The following PHC2 variants were observed in gnomAD, a reference collection of about 807,000 sequenced individuals.
PHC2 encodes the protein polyhomeotic homolog 2, also known as polyhomeotic-like protein 2.
PHC2 carries 29 observed loss-of-function variants against 87.4 expected under a neutral mutation model. The ratio of observed to expected loss-of-function variants is 0.33; its 90% confidence interval spans 0.25 to 0.45. The LOEUF (loss-of-function observed/expected upper bound fraction) is 0.45, where lower values mean the gene tolerates loss of function less well. Among genes scored for constraint, PHC2 ranks in the 20% least tolerant of loss-of-function variants. PHC2 has a pLI of 1.00. For synonymous variants in PHC2, 438 were observed against 461.7 expected (o/e 0.95, Z 0.66); for missense variants, 857 against 1,136.7 (o/e 0.75, Z 3.54).
chr1:33,353,432 C>A (rs1388329318), intron 9 of PHC2: 1 of 152,228 alleles, frequency 6.6e-6, no homozygotes, highest in Non-Finnish European at 1.5e-5. Context: ...TTCAAAACCC[C>A]TTCTCATCTG....
chr1:33,364,374 ACACACACACTTGCTTT>A lies in PHC2; in HGVS notation c.976+2726_976+2741del, dbSNP rs1421499841. ...CTCTCTCCCAGACACACACACACACACACACACACTTGCTTTCACACACACACACACACACACACAC... is the reference window on the plus strand; with the variant it reads ...CTCTCTCCCAGACACACACACACACACACACACACACACACACACACACAC... On this transcript the variant is annotated intron_variant, in intron 7 of 14. Coordinates refer to ENST00000683057, the MANE Select transcript of PHC2 (RefSeq NM_001385109.1). This position sits in a 1 kb window ranked among gnomAD's most constrained non-coding sequence, Gnocchi z 4.1. Among the ~76,000 whole-genome samples, 1 of 144,724 alleles carries A rather than the reference ACACACACACTTGCTTT, an allele frequency of 6.9e-6. No homozygotes were observed. Among genetic ancestry groups the A allele is most frequent in the African/African-American group, 2.7e-5 (1 of 37,302 alleles). 94.9% of individuals were successfully genotyped at this position (144,724 alleles called of 152,430 possible). A position where few individuals can be genotyped will look rare whatever the true frequency, so the allele number is the denominator to read the frequency against.
Position 33,364,388 on chromosome 1 carries a change from T to A in PHC2, c.976+2728A>T, listed in dbSNP as rs1647315381. ...CACACACACACACACACACACTTGC[T>A]TTCACACACACACACACACACACAC... On this transcript the variant is annotated intron_variant, in intron 7 of 14. Coordinates refer to ENST00000683057, the MANE Select transcript of PHC2 (RefSeq NM_001385109.1). The surrounding 1 kb of genome is among the most constrained non-coding windows in gnomAD (Gnocchi z 4.1). Among the ~76,000 whole-genome samples the A allele has an allele frequency of 8.9e-6, 1 of 112,926 alleles. No homozygotes were observed. Among genetic ancestry groups the A allele is most frequent in the African/African-American group, 4.3e-5 (1 of 23,052 alleles). 74.1% of individuals were successfully genotyped at this position (112,926 alleles called of 152,430 possible). A position where few individuals can be genotyped will look rare whatever the true frequency, so the allele number is the denominator to read the frequency against.
intron 12 of PHC2, 136 bp from the exon 13 acceptor site, chr1:33,330,348 C>G (rs988835921): frequency 9.0e-6 from 8 of 887,256 alleles, no homozygotes. Context: ...TCACTAACTA[C>G]TAGCTGTGTG....
At chr1:33,375,061 G>A (rs565991808) in intron 2 of PHC2, among the ~76,000 whole-genome samples, 1 of 152,288 alleles carries the variant, frequency 6.6e-6, no homozygotes, top group South Asian at 2.1e-4. Context: ...TTCTTCACCG[G>A]GCAATGGTCA....
intron 9 of PHC2, among the ~76,000 whole-genome samples, chr1:33,339,257 A>T (rs984166432): frequency 1.1e-4 from 16 of 152,212 alleles, no homozygotes; most frequent in African/African-American, 3.1e-4. Context: ...AATGTGTGGC[A>T]TCCATGATCT....
chr1:33,412,653 C>A (rs1650030725), intron 1 of PHC2, among the ~76,000 whole-genome samples: 1 of 152,158 alleles, frequency 6.6e-6, no homozygotes, highest in East Asian at 1.9e-4. Flanking sequence ...GATATATGTA[C>A]CCTATCTAGC....
At chr1:33,403,501 A>G (rs918486816) in intron 1 of PHC2, among the ~76,000 whole-genome samples, 1 of 152,188 alleles carries the variant, frequency 6.6e-6, no homozygotes, top group Non-Finnish European at 1.5e-5. Context: ...GGAGGAGCAT[A>G]TGGGTGTCTT....
chr1:33,416,404 A>G (rs1015975278), intron 1 of PHC2, among the ~76,000 whole-genome samples: 4 of 146,592 alleles, frequency 2.7e-5, no homozygotes, highest in Admixed American at 2.0e-4. Flanking sequence ...CGTCTCTACT[A>G]AAAATACAAA....
At chr1:33,409,949 A>C (rs1338422904) in intron 1 of PHC2, among the ~76,000 whole-genome samples, 2 of 152,246 alleles carry the variant, frequency 1.3e-5, no homozygotes, top group Admixed American at 1.3e-4. Flanking sequence ...AAGAATACCC[A>C]AAGGGGAAAC....
intron 7 of PHC2, among the ~76,000 whole-genome samples, chr1:33,362,677 TCA>T (rs1446094894): frequency 6.6e-6 from 1 of 152,212 alleles, no homozygotes; most frequent in African/African-American, 2.4e-5. Flanking sequence ...ACACAGATGG[TCA>T]CACGCGCACA....
chr1:33,403,086 G>T (rs895399135), intron 1 of PHC2, among the ~76,000 whole-genome samples: 2 of 148,698 alleles, frequency 1.3e-5, no homozygotes, highest in African/African-American at 5.0e-5. Flanking sequence ...CTCCCAAAGT[G>T]CTGGGATTAC....
At chr1:33,345,711 G>A in intron 9 of PHC2, 1 of 984,644 alleles carries the variant, frequency 1.0e-6, no homozygotes, top group Non-Finnish European at 1.2e-6. Flanking sequence ...TTTTGTTACT[G>A]ATGGGGAAAA....
At chr1:33,429,608 T>A (rs1650817136) in intron 1 of PHC2, among the ~76,000 whole-genome samples, 1 of 152,244 alleles carries the variant, frequency 6.6e-6, no homozygotes, top group African/African-American at 2.4e-5. Context: ...TCACATCTAT[T>A]ATGCTGTTAA....
chr1:33,335,315 C>T, intron 9 of PHC2: 2 of 985,426 alleles, frequency 2.0e-6, no homozygotes, highest in Non-Finnish European at 2.4e-6. Flanking sequence ...TCTCTACCAC[C>T]ATCAACTGCC....
At chr1:33,367,497 G>A (rs1647543939) in intron 6 of PHC2, 69 bp from the exon 7 acceptor site, 6 of 1,237,262 alleles carry the variant, frequency 4.8e-6, no homozygotes, top group Non-Finnish European at 6.8e-6. Context: ...AACTAAGAGG[G>A]AGAGAGGGAT....
chr1:33,386,441 C>T lies in PHC2; in HGVS notation c.-54-10848G>A, dbSNP rs558454493. On this transcript the variant is annotated intron_variant, in intron 1 of 14. Transcript: ENST00000683057. ...GGCTGAGGCAGGAGAATCCCTTGAA[C>T]CTGGGAGGCAGAGGTTGCAGTGAGC... Among the ~76,000 whole-genome samples the T allele has an allele frequency of 8.6e-4, 130 of 151,972 alleles. 1 individual carries two copies. Among genetic ancestry groups the T allele is most frequent in the Non-Finnish European group, 1.1e-3 (78 of 67,944 alleles).
At chr1:33,413,767 T>A (rs1019220061) in intron 1 of PHC2, among the ~76,000 whole-genome samples, 1 of 152,210 alleles carries the variant, frequency 6.6e-6, no homozygotes, top group African/African-American at 2.4e-5. Context: ...TTCACTGCTT[T>A]ATTGTTGTTT....
Position 33,356,901 on chromosome 1 carries a change from G to A in PHC2, c.977-1648C>T, listed in dbSNP as rs2148291669. Among the ~76,000 whole-genome samples, 2 of 152,242 alleles carry A rather than the reference G, an allele frequency of 1.3e-5. 1 individual carries two copies. Among genetic ancestry groups the A allele is most frequent in the Middle Eastern group, 6.8e-3 (2 of 294 alleles). On this transcript the variant is annotated intron_variant, in intron 7 of 14. Transcript: ENST00000683057. ...GGCGCCCCCCCACCTCCCAGACGGG[G>A]CGGCGGCCGGGCGGGGGCTGCCCCC...
chr1:33,347,516 A>T, intron 9 of PHC2: 1 of 985,364 alleles, frequency 1.0e-6, no homozygotes, highest in Non-Finnish European at 1.2e-6. Context: ...ATGATGAAAC[A>T]CCAACATTCA....
Sources: allele counts gnomAD v4.1 joint callset (sites outside exome capture counted in the v4.1 genomes callset), GRCh38; gene constraint gnomAD v4.1.1; non-coding constraint Gnocchi (gnomAD v3.1); transcripts MANE v1.5; gene names NCBI Gene and HGNC (gene_info 2026-07-23, HGNC 2026-07-21).